Variants in CDH13 observed in about 807,000 individuals in gnomAD.
The protein encoded by CDH13 is cadherin 13.
In CDH13, 24 loss-of-function variants were observed where a neutral mutation model predicts 63.8. The ratio of observed to expected loss-of-function variants is 0.38; its 90% CI spans 0.27 to 0.53. The LOEUF (loss-of-function observed/expected upper bound fraction) is 0.53. CDH13 is among the 20% of genes least tolerant of loss of function. The probability of loss-of-function intolerance (pLI) is 0.85; values close to 1 mark genes in which losing one functional copy is unlikely to be tolerated. For missense variants in CDH13, 1,049 were observed against 903.1 expected (o/e 1.16, Z -2.07); for synonymous variants, 503 against 355.3 (o/e 1.42, Z -4.67).
intron 3 of CDH13, among the ~76,000 whole-genome samples, chr16:83,043,160 A>G (rs780685153): frequency 1.8e-4 from 27 of 152,210 alleles, no homozygotes; most frequent in Non-Finnish European, 3.4e-4. Context: ...CCAGGATACT[A>G]TTCATATATA....
intron 4 of CDH13, 34 bp downstream of exon 4, chr16:83,125,535 G>C: frequency 8.5e-7 from 1 of 1,179,860 alleles, no homozygotes; most frequent in Non-Finnish European, 1.3e-6. Context: ...ACAAAAACAT[G>C]TTTTTATGAA....
intron 4 of CDH13, among the ~76,000 whole-genome samples, chr16:83,178,320 G>C (rs1009750268): frequency 1.3e-5 from 2 of 152,050 alleles, no homozygotes; most frequent in African/African-American, 2.4e-5. Flanking sequence ...AATGTCTCCA[G>C]AAAAATGTTC....
intron 1 of CDH13, among the ~76,000 whole-genome samples, chr16:82,843,704 C>G (rs563316754): frequency 2.0e-5 from 3 of 152,354 alleles, no homozygotes; most frequent in East Asian, 1.9e-4. Flanking sequence ...GATGACAAAT[C>G]TGACATCTTG....
At chr16:83,393,565 A>C (rs1298402073) in intron 6 of CDH13, among the ~76,000 whole-genome samples, 1 of 152,190 alleles carries the variant, frequency 6.6e-6, no homozygotes, top group East Asian at 1.9e-4. Context: ...CCCAGCCCAC[A>C]GTTTTGTGCG....
chr16:82,751,390 A>G (rs1468380226), intron 1 of CDH13, among the ~76,000 whole-genome samples: 4 of 152,138 alleles, frequency 2.6e-5, no homozygotes. Context: ...CTTCACAGAC[A>G]GCCCCACCTC....
chr16:83,429,819 A>G, intron 6 of CDH13, among the ~76,000 whole-genome samples: 1 of 152,156 alleles, frequency 6.6e-6, no homozygotes, highest in Middle Eastern at 3.2e-3. Flanking sequence ...CTTAACAAAT[A>G]TTTTTGAGTA....
chr16:83,512,107 G>A (rs574003617), intron 7 of CDH13, among the ~76,000 whole-genome samples: 95 of 151,872 alleles, frequency 6.3e-4, no homozygotes, highest in Admixed American at 1.1e-3. Flanking sequence ...GGATCACGAG[G>A]TCTGGAGGTG....
chr16:83,579,296 C>G (rs1272590001), intron 7 of CDH13, among the ~76,000 whole-genome samples: 1 of 152,116 alleles, frequency 6.6e-6, no homozygotes, highest in Non-Finnish European at 1.5e-5. Flanking sequence ...TGTGTTAGTT[C>G]TCATATTCCT....
At chr16:82,776,827 C>CA (rs2035521036) in intron 1 of CDH13, among the ~76,000 whole-genome samples, 1 of 152,222 alleles carries the variant, frequency 6.6e-6, no homozygotes. Context: ...GGGGTGAAGA[C>CA]AGAGAACAAG....
chr16:83,652,243 A>G (rs1045300426), intron 8 of CDH13, among the ~76,000 whole-genome samples: 14 of 152,244 alleles, frequency 9.2e-5, no homozygotes, highest in African/African-American at 3.1e-4. Flanking sequence ...TTAAATGCAA[A>G]TTAGAAGCTG....
At chr16:82,661,067 C>T (rs768892201) in intron 1 of CDH13, among the ~76,000 whole-genome samples, 1 of 152,178 alleles carries the variant, frequency 6.6e-6, no homozygotes, top group Non-Finnish European at 1.5e-5. Flanking sequence ...GAAAGGGGCT[C>T]TTGAGAGAGT....
Position 83,003,388 on chromosome 16 carries a change from GT to G in CDH13, c.158-28611del, listed in dbSNP as rs750165909. Among the ~76,000 whole-genome samples, 176 of 146,710 alleles carry G rather than the reference GT, an allele frequency of 1.2e-3. 1 individual carries two copies. Among genetic ancestry groups the G allele is most frequent in the Middle Eastern group, 3.5e-3 (1 of 286 alleles). On this transcript the variant is annotated intron_variant, in intron 2 of 13. Coordinates refer to ENST00000567109, the MANE Select transcript of CDH13 (RefSeq NM_001257.5). Reference sequence around the variant, plus strand: ...TTATCTATTTAACTGGCTTAAGTGGGTTTTTTTTTTTAATTTTCTATCTCAA... The same window carrying G: ...TTATCTATTTAACTGGCTTAAGTGGGTTTTTTTTTTAATTTTCTATCTCAA...
At chr16:83,025,667 C>T (rs1407257736) in intron 2 of CDH13, among the ~76,000 whole-genome samples, 1 of 152,152 alleles carries the variant, frequency 6.6e-6, no homozygotes, top group African/African-American at 2.4e-5. Context: ...CACAGGGCTC[C>T]TACACACAAG....
At chr16:83,253,171 G>A (rs994900049) in intron 5 of CDH13, among the ~76,000 whole-genome samples, 12 of 152,086 alleles carry the variant, frequency 7.9e-5, no homozygotes, top group African/African-American at 2.9e-4. Context: ...TTGAAAAGTT[G>A]CATTTTTTGG....
intron 8 of CDH13, among the ~76,000 whole-genome samples, chr16:83,624,096 G>T (rs1010577166): frequency 1.3e-5 from 2 of 152,144 alleles, no homozygotes; most frequent in Non-Finnish European, 2.9e-5. Flanking sequence ...GATGCTCCTT[G>T]TCTGCAGCTC....
At chr16:83,672,346 T>C (rs1268394862) in intron 9 of CDH13, among the ~76,000 whole-genome samples, 1 of 150,348 alleles carries the variant, frequency 6.7e-6, no homozygotes, top group Admixed American at 6.7e-5. Context: ...TTTTGATAGA[T>C]GTCCATCTTC....
intron 2 of CDH13, among the ~76,000 whole-genome samples, chr16:83,014,059 C>T (rs1158937167): frequency 6.6e-6 from 1 of 152,012 alleles, no homozygotes; most frequent in Non-Finnish European, 1.5e-5. Context: ...AAGAAGTTCA[C>T]AGTCTGATAA....
chr16:83,493,806 G>C (rs2074074407), intron 7 of CDH13, among the ~76,000 whole-genome samples: 1 of 152,162 alleles, frequency 6.6e-6, no homozygotes, highest in African/African-American at 2.4e-5. Flanking sequence ...GCTGTGACTT[G>C]GACAGAAAAT....
Position 82,932,280 on chromosome 16 carries a change from T to A in CDH13, c.157+73807T>A, listed in dbSNP as rs138676782. Among the ~76,000 whole-genome samples the A allele has an allele frequency of 1.3e-3, 198 of 152,328 alleles. 1 individual carries two copies. The highest frequency in any genetic ancestry group is 4.5e-3 in the African/African-American group (189 of 41,570). On this transcript the variant is annotated intron_variant, in intron 2 of 13. Coordinates refer to ENST00000567109, the MANE Select transcript of CDH13 (RefSeq NM_001257.5). The stretch of plus-strand genomic sequence containing the variant: ...AAAAATTGTTTATCTGAGATTCAAA[T>A]GTAGCTGGGCACCTTATTATTGTAT...
Sources: gnomAD v4.1 joint callset for allele counts (sites outside exome capture counted in the v4.1 genomes callset) on GRCh38, gnomAD v4.1.1 for gene constraint, MANE v1.5 for transcripts, NCBI Gene and HGNC (gene_info 2026-07-23, HGNC 2026-07-21) for gene names.